NKAIN2: variants seen among roughly 807,000 people sequenced by gnomAD.
The protein encoded by NKAIN2 is sodium/potassium-transporting ATPase subunit beta-1-interacting protein 2.
Under a neutral mutation model 32.6 loss-of-function variants are expected in NKAIN2, and 14 were observed. That is an observed-to-expected ratio of 0.43 (90% CI 0.28 to 0.67). NKAIN2 has a LOEUF of 0.67. Ranked by LOEUF, NKAIN2 falls within the 30% of genes least tolerant of loss-of-function variation. The pLI is 0.17. For synonymous variants in NKAIN2, 80 were observed against 87.2 expected (o/e 0.92, Z 0.46); for missense variants, 198 against 258.3 (o/e 0.77, Z 1.60).
intron 1 of NKAIN2, among the ~76,000 whole-genome samples, chr6:124,059,288 A>G (rs1187885953): frequency 6.6e-6 from 1 of 152,036 alleles, no homozygotes. Context: ...TGTCTTGGGC[A>G]CCTTCTCGGA....
chr6:124,613,137 G>A (rs1256401907), intron 3 of NKAIN2, among the ~76,000 whole-genome samples: 6 of 152,112 alleles, frequency 3.9e-5, no homozygotes, highest in East Asian at 1.9e-4. Flanking sequence ...AAGAGTTTGT[G>A]CACAAATGAT....
intron 1 of NKAIN2, among the ~76,000 whole-genome samples, chr6:124,231,894 T>A (rs1792483219): frequency 6.6e-6 from 1 of 151,944 alleles, no homozygotes; most frequent in Admixed American, 6.6e-5. Flanking sequence ...TAAGTATATA[T>A]CTAAAAAGAA....
intron 5 of NKAIN2, among the ~76,000 whole-genome samples, chr6:124,810,926 A>T (rs967885045): frequency 6.6e-6 from 1 of 151,690 alleles, no homozygotes; most frequent in Non-Finnish European, 1.5e-5. Context: ...GGAAAAAAAA[A>T]AAAAAAAAGC....
At chr6:124,383,266 A>G (rs1176906062) in intron 3 of NKAIN2, among the ~76,000 whole-genome samples, 1 of 152,146 alleles carries the variant, frequency 6.6e-6, no homozygotes, top group Non-Finnish European at 1.5e-5. Context: ...TGGCTGACCC[A>G]CAGATAAACT....
chr6:124,537,977 C>A (rs1779778111), intron 3 of NKAIN2, among the ~76,000 whole-genome samples: 1 of 152,032 alleles, frequency 6.6e-6, no homozygotes, highest in South Asian at 2.1e-4. Context: ...ATTTTCTAAG[C>A]AGTAAGTGTG....
chr6:124,067,471 G>A (rs1423874494), intron 1 of NKAIN2, among the ~76,000 whole-genome samples: 1 of 152,070 alleles, frequency 6.6e-6, no homozygotes, highest in Admixed American at 6.6e-5. Flanking sequence ...TCATATGACA[G>A]CAGAATAAAT....
chr6:124,493,715 T>C (rs77571669), intron 3 of NKAIN2, among the ~76,000 whole-genome samples: 974 of 21,824 alleles, frequency 0.045, 17 homozygotes, highest in African/African-American at 0.14. Flanking sequence ...AACCCCCCCC[T>C]CCAAAAAAAA....
intron 1 of NKAIN2, among the ~76,000 whole-genome samples, chr6:123,967,934 T>C (rs1778165443): frequency 6.6e-6 from 1 of 152,114 alleles, no homozygotes; most frequent in Non-Finnish European, 1.5e-5. Context: ...AGTGACGCTC[T>C]AAGGGCTCAC....
intron 4 of NKAIN2, among the ~76,000 whole-genome samples, chr6:124,718,806 A>G (rs946143531): frequency 1.3e-5 from 2 of 152,108 alleles, no homozygotes; most frequent in African/African-American, 2.4e-5. Context: ...CGAATCTTCT[A>G]TCCTGTGTCT....
chr6:124,204,577 T>A (rs1790764001), intron 1 of NKAIN2, among the ~76,000 whole-genome samples: 1 of 151,858 alleles, frequency 6.6e-6, no homozygotes, highest in Non-Finnish European at 1.5e-5. Context: ...GGTTAAGTGG[T>A]CATGTTAGCA....
chr6:124,514,122 CAT>C (rs1187340602), intron 3 of NKAIN2, among the ~76,000 whole-genome samples: 2 of 152,168 alleles, frequency 1.3e-5, no homozygotes, highest in South Asian at 2.1e-4. Flanking sequence ...ACACATCACA[CAT>C]GTGCACAAAA....
intron 1 of NKAIN2, among the ~76,000 whole-genome samples, chr6:123,943,817 G>A (rs1776938578): frequency 6.6e-6 from 1 of 151,928 alleles, no homozygotes; most frequent in African/African-American, 2.4e-5. Context: ...TATTTTATAA[G>A]GGTCAGAACA....
chr6:124,635,036 GAGGA>G (rs1002022326), intron 3 of NKAIN2, among the ~76,000 whole-genome samples: 4 of 149,862 alleles, frequency 2.7e-5, no homozygotes, highest in Admixed American at 6.7e-5. Context: ...AAAGGAAGAA[GAGGA>G]AGGAAGGAAG....
chr6:123,807,250 G>C (rs1410103897), intron 1 of NKAIN2, among the ~76,000 whole-genome samples: 2 of 151,974 alleles, frequency 1.3e-5, no homozygotes, highest in Non-Finnish European at 2.9e-5. Context: ...ATGAAAAACT[G>C]TTTCCATATA....
At chr6:124,433,269 C>T (rs1488739637) in intron 3 of NKAIN2, among the ~76,000 whole-genome samples, 1 of 152,176 alleles carries the variant, frequency 6.6e-6, no homozygotes, top group Non-Finnish European at 1.5e-5. Flanking sequence ...CACTCTTCCC[C>T]TCTTTCTCAT....
chr6:124,239,606 C>A (rs1416512126), intron 1 of NKAIN2, among the ~76,000 whole-genome samples: 1 of 152,128 alleles, frequency 6.6e-6, no homozygotes, highest in African/African-American at 2.4e-5. Context: ...CAACACCACA[C>A]AACTACATGG....
chr6:124,012,703 G>A (rs1057497574), intron 1 of NKAIN2, among the ~76,000 whole-genome samples: 2 of 152,158 alleles, frequency 1.3e-5, no homozygotes, highest in African/African-American at 4.8e-5. Flanking sequence ...TTTTATGGAT[G>A]TACCACATTT....
chr6:124,543,295 C>A (rs1159632607), intron 3 of NKAIN2, among the ~76,000 whole-genome samples: 2 of 152,114 alleles, frequency 1.3e-5, no homozygotes, highest in African/African-American at 4.8e-5. Context: ...CCTTCCACTA[C>A]CTAGCCAAAT....
At chr6:124,331,392 G>T (rs947775248) in intron 2 of NKAIN2, among the ~76,000 whole-genome samples, 2 of 141,360 alleles carry the variant, frequency 1.4e-5, no homozygotes, top group African/African-American at 2.7e-5. Flanking sequence ...AGCTGGGCGT[G>T]GTGGCGGATG....
Sources: allele counts gnomAD v4.1 joint callset (sites outside exome capture counted in the v4.1 genomes callset), GRCh38; gene constraint gnomAD v4.1.1; transcripts MANE v1.5; gene names NCBI Gene and HGNC (gene_info 2026-07-23, HGNC 2026-07-21).